The following PHLDB2 variants were observed in gnomAD, a reference collection of about 807,000 sequenced individuals.
PHLDB2 encodes the protein pleckstrin homology like domain family B member 2, also known as pleckstrin homology-like domain family B member 2.
A neutral mutation model predicts 123.6 loss-of-function variants in PHLDB2; 71 were observed. The ratio of observed to expected loss-of-function variants is 0.57; its 90% confidence interval spans 0.47 to 0.70. PHLDB2 has a LOEUF of 0.70. PHLDB2 is among the 30% of genes least tolerant of loss of function. The pLI is 0.00. For missense variants in PHLDB2, 1,446 were observed against 1,519.5 expected (o/e 0.95, Z 0.80); for synonymous variants, 547 against 541.6 (o/e 1.01, Z -0.14).
At chr3:111,737,091 T>C (rs920546128) in intron 1 of PHLDB2, among the ~76,000 whole-genome samples, 1 of 152,214 alleles carries the variant, frequency 6.6e-6, no homozygotes, top group African/African-American at 2.4e-5. Context: ...TCCATTATTG[T>C]AGTTTCAACC....
chr3:111,761,619 A>G (rs1039310975), intron 1 of PHLDB2, among the ~76,000 whole-genome samples: 1 of 152,212 alleles, frequency 6.6e-6, no homozygotes, highest in Non-Finnish European at 1.5e-5. Flanking sequence ...GTCGTTCTCA[A>G]ACTTCAGCTG....
chr3:111,967,779 G>C lies in PHLDB2; in HGVS notation c.3270G>C (p.Lys1090Asn). The C allele has an allele frequency of 6.2e-7, 1 of 1,612,362 alleles. No individual in the cohort carries two copies. Among genetic ancestry groups the C allele is most frequent in the Non-Finnish European group, 8.5e-7 (1 of 1,179,442 alleles). ...RLQEETSQRQ[K>N]LIEKEVKIRE... ...AGGAAGAAACTAGCCAGAGGCAGAA[G>C]TTAATAGAAAAGGAAGTAAAAATAA... Residue 1090 changes from lysine to asparagine, a missense_variant, in exon 15 of 18, where the codon AAG becomes AAC. Transcript: ENST00000431670.
chr3:111,934,044 T>C (rs932607190), intron 6 of PHLDB2, among the ~76,000 whole-genome samples: 1 of 152,216 alleles, frequency 6.6e-6, no homozygotes, highest in Non-Finnish European at 1.5e-5. Context: ...AGTTATATGT[T>C]CCAAAGATTC....
intron 1 of PHLDB2, among the ~76,000 whole-genome samples, chr3:111,772,591 C>T (rs1298578840): frequency 1.3e-5 from 2 of 152,160 alleles, no homozygotes; most frequent in African/African-American, 4.8e-5. Flanking sequence ...CTGGGAATAA[C>T]ATTTTTCTTG....
upstream of PHLDB2, among the ~76,000 whole-genome samples, chr3:111,855,778 G>A (rs182735628): frequency 3.3e-5 from 5 of 151,868 alleles, no homozygotes; most frequent in East Asian, 9.7e-4. Context: ...TACAGATGGT[G>A]CACCACCATG....
intron 1 of PHLDB2, among the ~76,000 whole-genome samples, chr3:111,735,093 G>A (rs1489111880): frequency 6.6e-6 from 1 of 152,138 alleles, no homozygotes; most frequent in Admixed American, 6.5e-5. Context: ...CCCAACTAAA[G>A]TACAACATCT....
chr3:111,835,059 T>C (rs1295439426), intron 1 of PHLDB2, among the ~76,000 whole-genome samples: 4 of 152,154 alleles, frequency 2.6e-5, no homozygotes, highest in Non-Finnish European at 5.9e-5. Context: ...ACAATCCTTC[T>C]CATTTTGTCC....
At chr3:111,974,198 G>A (rs2072413833) in intron 17 of PHLDB2, among the ~76,000 whole-genome samples, 1 of 152,146 alleles carries the variant, frequency 6.6e-6, no homozygotes, top group Admixed American at 6.5e-5. Context: ...TTACAAACTA[G>A]CTGCTGAAAT....
intron 1 of PHLDB2, among the ~76,000 whole-genome samples, chr3:111,825,571 C>T (rs2062614769): frequency 6.6e-6 from 1 of 152,218 alleles, no homozygotes; most frequent in African/African-American, 2.4e-5. Context: ...CCTCAGCCTC[C>T]TGAGTAGCTG....
At chr3:111,852,841 G>C (rs1177163357) in intron 2 of PHLDB2, among the ~76,000 whole-genome samples, 1 of 151,964 alleles carries the variant, frequency 6.6e-6, no homozygotes. Context: ...AAAAGATTGG[G>C]GGTAGGGCAG....
chr3:111,929,028 G>A (rs111879228), intron 5 of PHLDB2, among the ~76,000 whole-genome samples: 1,791 of 152,274 alleles, frequency 0.012, 43 homozygotes, highest in African/African-American at 0.04. Context: ...TTAGGAGGCC[G>A]AAGTGGGAAA....
chr3:111,890,252 G>A (rs2066400950), intron 2 of PHLDB2, among the ~76,000 whole-genome samples: 1 of 152,144 alleles, frequency 6.6e-6, no homozygotes, highest in South Asian at 2.1e-4. Context: ...CAAAACCCCA[G>A]TGAAACTTGG....
chr3:111,871,535 T>C (rs1352550005), intron 1 of PHLDB2, among the ~76,000 whole-genome samples: 1 of 150,658 alleles, frequency 6.6e-6, no homozygotes, highest in Admixed American at 6.6e-5. Flanking sequence ...ATGCCTGTAG[T>C]CCCAGCTACT....
chr3:111,868,595 C>T (rs1334136991), intron 1 of PHLDB2, among the ~76,000 whole-genome samples: 2 of 151,866 alleles, frequency 1.3e-5, no homozygotes, highest in African/African-American at 4.8e-5. Flanking sequence ...ACAGACAGCA[C>T]ACTTTTAATT....
In PHLDB2 at chr3:111,881,952, T is replaced by C. The variant is rs373364063; in HGVS notation, c.-14-2112T>C. 3.3e-5 allele frequency among the ~76,000 whole-genome samples: 5 copies of C among 152,186 alleles called. No individual in the cohort carries two copies. The East Asian group carries it at 9.6e-4, about 29-fold the overall frequency. On this transcript the variant is annotated intron_variant, in intron 1 of 17. Coordinates refer to ENST00000431670, the MANE Select transcript of PHLDB2 (RefSeq NM_001134438.2). ...GAATAAGAAAATGACACTCCTTGTA[T>C]TATATACAGAAATATACCTGTGTGT...
At chr3:111,817,638 C>T (rs2062151465) in intron 1 of PHLDB2, among the ~76,000 whole-genome samples, 2 of 152,188 alleles carry the variant, frequency 1.3e-5, no homozygotes, top group Non-Finnish European at 2.9e-5. Flanking sequence ...TTTTGTTAGA[C>T]CTTTCCAAAC....
At chr3:111,790,334 C>T (rs1415710929) in intron 1 of PHLDB2, among the ~76,000 whole-genome samples, 1 of 152,192 alleles carries the variant, frequency 6.6e-6, no homozygotes, top group Non-Finnish European at 1.5e-5. Flanking sequence ...TGTCTCCTTT[C>T]TGACCACAAA....
At chr3:111,812,077 G>A (rs2061865858) in intron 1 of PHLDB2, among the ~76,000 whole-genome samples, 1 of 152,104 alleles carries the variant, frequency 6.6e-6, no homozygotes, top group South Asian at 2.1e-4. Flanking sequence ...CCAGTATTTA[G>A]ATTAAAGAAA....
At chr3:111,850,233 G>T (rs993289916) in intron 2 of PHLDB2, among the ~76,000 whole-genome samples, 10 of 152,102 alleles carry the variant, frequency 6.6e-5, no homozygotes, top group Admixed American at 6.6e-4. Context: ...CTTATAAGTG[G>T]GAGTTAAGCT....
Sources: gnomAD v4.1 joint callset for allele counts (sites outside exome capture counted in the v4.1 genomes callset) on GRCh38, gnomAD v4.1.1 for gene constraint, MANE v1.5 for transcripts, NCBI Gene and HGNC (gene_info 2026-07-23, HGNC 2026-07-21) for gene names.